Variants in SLIT1 observed in about 807,000 individuals in gnomAD.
SLIT1 encodes slit guidance ligand 1.
Under a neutral mutation model 186.1 loss-of-function variants are expected in SLIT1, and 66 were observed. The observed-to-expected ratio is 0.35, with a 90% confidence interval of 0.29 to 0.44. The LOEUF (loss-of-function observed/expected upper bound fraction) is 0.44, where lower values mean the gene tolerates loss of function less well. Ranked by LOEUF, SLIT1 falls within the 20% of genes least tolerant of loss-of-function variation. The pLI is 1.00. For missense variants in SLIT1, 1,638 were observed against 2,037.4 expected (o/e 0.80, Z 3.77); for synonymous variants, 761 against 833.8 (o/e 0.91, Z 1.50).
chr10:97,012,878 G>T (rs1267960452), intron 30 of SLIT1, among the ~76,000 whole-genome samples: 1 of 152,206 alleles, frequency 6.6e-6, no homozygotes, highest in Non-Finnish European at 1.5e-5. Flanking sequence ...ACCACCCCTT[G>T]CTGGCCTGAC....
chr10:97,021,199 G>A lies in SLIT1; in HGVS notation c.2746+51C>T. The A allele has an allele frequency of 6.4e-7, 1 of 1,573,788 alleles. No individual in the cohort carries two copies. The highest frequency in any genetic ancestry group is 8.7e-7 in the Non-Finnish European group (1 of 1,155,918). ...CATGTTAGGAAGGCCCTGCAGTGTTGGGCAAGTTCTGTGAGCCCCCAGCAG... is the reference window on the plus strand; with the variant it reads ...CATGTTAGGAAGGCCCTGCAGTGTTAGGCAAGTTCTGTGAGCCCCCAGCAG... On this transcript the variant is annotated intron_variant, in intron 26 of 36. Transcript: ENST00000266058. The surrounding 1 kb of genome is among the most constrained non-coding windows in gnomAD (Gnocchi z 4.5).
intron 4 of SLIT1, among the ~76,000 whole-genome samples, chr10:97,114,218 C>T (rs1028662220): frequency 1.3e-5 from 2 of 152,174 alleles, no homozygotes; most frequent in Admixed American, 6.5e-5. Flanking sequence ...CATGGAGCAG[C>T]CACGGAGGCC....
intron 4 of SLIT1, among the ~76,000 whole-genome samples, chr10:97,109,179 T>C (rs1849442657): frequency 6.9e-6 from 1 of 144,748 alleles, no homozygotes; most frequent in Non-Finnish European, 1.5e-5. Context: ...AGAGACCTCA[T>C]CTCCACCAAA....
chr10:97,072,692 G>A lies in SLIT1; in HGVS notation c.414-6606C>T, dbSNP rs970829193. On this transcript the variant is annotated intron_variant, in intron 4 of 36. Coordinates refer to ENST00000266058, the MANE Select transcript of SLIT1 (RefSeq NM_003061.3). ...TTTGGGGCCCCAGGAGAGGCCAGAG[G>A]AAAACAGGTGAACCTTGGAAGCCTC... Among the ~76,000 whole-genome samples, 22 of 152,324 alleles carry A rather than the reference G, an allele frequency of 1.4e-4. 1 individual carries two copies. The South Asian group carries it at 2.1e-3, about 14-fold the overall frequency.
Position 97,000,804 on chromosome 10 carries a change from G to A in SLIT1, c.*308C>T, listed in dbSNP as rs1178587985. 12 of 347,106 alleles carry A rather than the reference G, an allele frequency of 3.5e-5. No homozygotes were observed. Among genetic ancestry groups the A allele is most frequent in the African/African-American group, 6.3e-5 (3 of 47,978 alleles). 21.5% of individuals were successfully genotyped at this position (347,106 alleles called of 1,614,324 possible). Reference sequence around the variant, plus strand: ...ATAGCAGGTAAGGAGGGGTGTCATCGTTCTGCACTTCTTGGCCTGACCTCA... The same window carrying A: ...ATAGCAGGTAAGGAGGGGTGTCATCATTCTGCACTTCTTGGCCTGACCTCA... On this transcript the variant is annotated 3_prime_UTR_variant, in exon 37 of 37. Coordinates refer to ENST00000266058, the MANE Select transcript of SLIT1 (RefSeq NM_003061.3).
At chr10:97,166,573 A>AGAGAG (rs1564692765) in intron 1 of SLIT1, among the ~76,000 whole-genome samples, 5,683 of 44,346 alleles carry the variant, frequency 0.13, 250 homozygotes, top group East Asian at 0.19. Flanking sequence ...GAGAGAGAGA[A>AGAGAG]AGAAAGAAAG....
At chr10:97,070,223 T>G (rs1848989526) in intron 4 of SLIT1, among the ~76,000 whole-genome samples, 1 of 152,226 alleles carries the variant, frequency 6.6e-6, no homozygotes, top group Non-Finnish European at 1.5e-5. Context: ...AGATGTTTAT[T>G]GTTTGTTCTT....
At chr10:97,048,694 G>A (rs1024746044) in intron 14 of SLIT1, among the ~76,000 whole-genome samples, 3 of 152,198 alleles carry the variant, frequency 2.0e-5, no homozygotes, top group African/African-American at 7.2e-5. Flanking sequence ...GGGGGTCCCT[G>A]AGCAGGCTGA....
chr10:97,108,792 G>T (rs1206589598), intron 4 of SLIT1, among the ~76,000 whole-genome samples: 2 of 150,736 alleles, frequency 1.3e-5, no homozygotes, highest in Non-Finnish European at 2.9e-5. Flanking sequence ...GGAGGCTGAG[G>T]CAGAAGAATC....
At position 97,161,169 on chromosome 10, in the gene SLIT1, G is replaced by C. The variant is rs186126656; in HGVS notation, c.341+2211C>G. Reference sequence around the variant, plus strand: ...CAGGCCTAAAGTCGCCACTCACCCAGTGGGGTCATGTCTCGACCCCCCAGA... The same window carrying C: ...CAGGCCTAAAGTCGCCACTCACCCACTGGGGTCATGTCTCGACCCCCCAGA... On this transcript the variant is annotated intron_variant, in intron 3 of 36. Transcript: ENST00000266058. Among the ~76,000 whole-genome samples, 177 of 152,300 alleles carry C rather than the reference G, an allele frequency of 1.2e-3. 2 individuals are homozygous for C. The highest frequency in any genetic ancestry group is 3.4e-3 in the African/African-American group (140 of 41,548).
intron 4 of SLIT1, among the ~76,000 whole-genome samples, chr10:97,086,495 T>C (rs868447505): frequency 5.3e-5 from 8 of 151,984 alleles, no homozygotes; most frequent in African/African-American, 1.9e-4. Flanking sequence ...AGAGAATCGC[T>C]TGAATCCAGG....
intron 4 of SLIT1, among the ~76,000 whole-genome samples, chr10:97,133,199 T>C (rs1589405756): frequency 6.6e-6 from 1 of 152,088 alleles, no homozygotes; most frequent in South Asian, 2.1e-4. Context: ...TCCTGACACA[T>C]GCTACAACAG....
intron 4 of SLIT1, among the ~76,000 whole-genome samples, chr10:97,109,979 G>A (rs1056130590): frequency 1.3e-5 from 2 of 152,190 alleles, no homozygotes; most frequent in African/African-American, 2.4e-5. Context: ...AGTTAGGACA[G>A]ACCCTTAATG....
chr10:97,084,597 C>T (rs117691627), intron 4 of SLIT1, among the ~76,000 whole-genome samples: 14 of 147,506 alleles, frequency 9.5e-5, no homozygotes, highest in Non-Finnish European at 1.7e-4. Context: ...TTCTTTTCTT[C>T]TCTTTTCTTT....
intron 26 of SLIT1, among the ~76,000 whole-genome samples, chr10:97,019,465 C>T (rs1174816108): frequency 6.6e-6 from 1 of 152,190 alleles, no homozygotes; most frequent in Admixed American, 6.5e-5. Context: ...CCAACCCTTC[C>T]TCTTTCCCCT....
intron 1 of SLIT1, among the ~76,000 whole-genome samples, chr10:97,171,171 G>A (rs1022133522): frequency 1.1e-4 from 17 of 152,164 alleles, no homozygotes; most frequent in Admixed American, 7.9e-4. Flanking sequence ...AGGCTGCGGC[G>A]CTGAGAGTGT....
chr10:97,046,867 A>T, intron 17 of SLIT1, 70 bp from the exon 18 acceptor site: 1 of 1,587,612 alleles, frequency 6.3e-7, no homozygotes, highest in Non-Finnish European at 8.6e-7. Flanking sequence ...CCCTTCCTGC[A>T]GGCAACACCC....
intron 11 of SLIT1, among the ~76,000 whole-genome samples, chr10:97,059,184 G>A (rs1177595359): frequency 6.6e-6 from 1 of 152,228 alleles, no homozygotes; most frequent in African/African-American, 2.4e-5. Context: ...ACTGTGGCAG[G>A]GAGTGCATCC....
At chr10:97,057,461 G>A (rs1323286724) in intron 11 of SLIT1, among the ~76,000 whole-genome samples, 180 bp from the exon 12 acceptor site, 1 of 152,268 alleles carries the variant, frequency 6.6e-6, no homozygotes, top group Non-Finnish European at 1.5e-5. Flanking sequence ...TCTTAAGAAA[G>A]CGTTGCCTGC....
Sources: gnomAD v4.1 joint callset for allele counts (sites outside exome capture counted in the v4.1 genomes callset) on GRCh38, gnomAD v4.1.1 for gene constraint, Gnocchi (gnomAD v3.1) non-coding constraint, MANE v1.5 for transcripts, NCBI Gene and HGNC (gene_info 2026-07-23, HGNC 2026-07-21) for gene names.